The following ATF1 variants were observed in gnomAD, a reference collection of about 807,000 sequenced individuals.
ATF1 encodes cyclic AMP-dependent transcription factor ATF-1.
A neutral mutation model predicts 34.7 loss-of-function variants in ATF1; 16 were observed. The observed-to-expected ratio is 0.46, with a 90% CI of 0.31 to 0.70. The LOEUF is 0.70. Ranked by LOEUF, ATF1 falls within the 30% of genes least tolerant of loss-of-function variation. The pLI is 0.05. For synonymous variants in ATF1, 105 were observed against 113.1 expected, an observed-to-expected ratio of 0.93 and a Z score of 0.46; for missense variants, 255 against 321.6, an observed-to-expected ratio of 0.79 and a Z score of 1.58.
chr12:50,814,538 T>C (rs1485254933), intron 6 of ATF1, 99 bp downstream of exon 6: 1 of 1,282,052 alleles, frequency 7.8e-7, no homozygotes, highest in African/African-American at 1.5e-5. Flanking sequence ...ATGGGCTGCA[T>C]GACAATGTTT....
Position 50,821,139 on chromosome 12 carries a change from T to C in ATF1, c.*1360T>C, listed in dbSNP as rs746163787. 34 of 175,486 alleles carry C rather than the reference T, an allele frequency of 1.9e-4. No homozygotes were observed. The highest frequency in any genetic ancestry group is 3.8e-4 in the Non-Finnish European group (31 of 81,350). The allele number at this position is 175,486 out of a possible 1,614,324, so 10.9% of individuals were successfully genotyped here. On this transcript the variant is annotated 3_prime_UTR_variant, in exon 7 of 7. Transcript: ENST00000262053. The stretch of plus-strand genomic sequence containing the variant: ...TTGATAGTCTACTGAATGTAAAATA[T>C]AATGCTTGGTATATGAATGATAAGC...
chr12:50,802,261 C>T (rs1414257702), intron 3 of ATF1, among the ~76,000 whole-genome samples: 2 of 152,238 alleles, frequency 1.3e-5, no homozygotes, highest in African/African-American at 2.4e-5. Flanking sequence ...CACAGTGGCT[C>T]ATGCCTGTAA....
chr12:50,807,813 GTT>G (rs59464118), intron 3 of ATF1, among the ~76,000 whole-genome samples: 5 of 125,780 alleles, frequency 4.0e-5, no homozygotes, highest in Middle Eastern at 4.1e-3. Context: ...TTTTTTTTTT[GTT>G]TTTTTTTTTT....
chr12:50,811,908 A>C (rs1481721162), intron 4 of ATF1, among the ~76,000 whole-genome samples: 1 of 152,214 alleles, frequency 6.6e-6, no homozygotes, highest in Admixed American at 6.5e-5. Flanking sequence ...AGTGTAGTAC[A>C]AACTAGTATT....
At position 50,808,625 on chromosome 12, in the gene ATF1, A is replaced by C. The variant is rs182968881; in HGVS notation, c.195-831A>C. On this transcript the variant is annotated intron_variant, in intron 3 of 6. Coordinates refer to ENST00000262053, the MANE Select transcript of ATF1 (RefSeq NM_005171.5). ...GATTACAGATGGGAGCCACATGCCCAGCCCTCTTTACTCTTTAAACTAATA... is the reference window on the plus strand; with the variant it reads ...GATTACAGATGGGAGCCACATGCCCCGCCCTCTTTACTCTTTAAACTAATA... 2.4e-3 allele frequency among the ~76,000 whole-genome samples: 358 copies of C among 152,048 alleles called. 3 individuals carry two copies. Among genetic ancestry groups the C allele is most frequent in the African/African-American group, 8.1e-3 (337 of 41,498 alleles).
chr12:50,819,623 G>A lies in ATF1; in HGVS notation c.672-12G>A. ...TTTTTTCTAACATTGTTTTTTTAATGCTCATATTTAGAGAAGCTGCTCGAG... is the reference window on the plus strand; with the variant it reads ...TTTTTTCTAACATTGTTTTTTTAATACTCATATTTAGAGAAGCTGCTCGAG... On this transcript the variant is annotated splice_polypyrimidine_tract_variant and intron_variant, in intron 6 of 6. Coordinates refer to ENST00000262053, the MANE Select transcript of ATF1 (RefSeq NM_005171.5). 6.2e-7 allele frequency: 1 copy of A among 1,606,534 alleles called. No homozygotes were observed. Among genetic ancestry groups the A allele is most frequent in the Non-Finnish European group, 8.5e-7 (1 of 1,177,986 alleles).
chr12:50,784,309 G>A (rs1941137269), intron 2 of ATF1, among the ~76,000 whole-genome samples: 1 of 152,204 alleles, frequency 6.6e-6, no homozygotes, highest in African/African-American at 2.4e-5. Flanking sequence ...CTATCAGTTG[G>A]TAATATGTGC....
At chr12:50,818,604 GTTTC>G (rs751108372) in intron 6 of ATF1, among the ~76,000 whole-genome samples, 1 of 151,968 alleles carries the variant, frequency 6.6e-6, no homozygotes, top group Non-Finnish European at 1.5e-5. Context: ...AAATAGTACT[GTTTC>G]TTTCTTTCTT....
intron 1 of ATF1, among the ~76,000 whole-genome samples, chr12:50,770,192 G>C (rs1395803804): frequency 6.6e-6 from 1 of 152,188 alleles, no homozygotes; most frequent in Non-Finnish European, 1.5e-5. Flanking sequence ...GTAATTATTT[G>C]CATAAGTGCA....
In ATF1 at chr12:50,798,815, GA is replaced by G. The variant is rs533082524; in HGVS notation, c.194+2813del. On this transcript the variant is annotated intron_variant, in intron 3 of 6. Transcript: ENST00000262053. ...ATACAGTCAACTCAATAAATGCTGGGAAAAAAAGTATTTGATTAAATCCAGC... is the reference window on the plus strand; with the variant it reads ...ATACAGTCAACTCAATAAATGCTGGGAAAAAAGTATTTGATTAAATCCAGC... Among the ~76,000 whole-genome samples the G allele has an allele frequency of 6.6e-5, 10 of 152,126 alleles. No homozygotes were observed. The East Asian group carries it at 1.4e-3, about 21-fold the overall frequency.
intron 1 of ATF1, among the ~76,000 whole-genome samples, chr12:50,767,858 C>A (rs1031807160): frequency 6.6e-6 from 1 of 151,920 alleles, no homozygotes; most frequent in African/African-American, 2.4e-5. Flanking sequence ...AGCTCAGTAG[C>A]TAAGCTTTTG....
chr12:50,764,098 G>A (rs1940561494), upstream of ATF1: 1 of 142,856 alleles, frequency 7.0e-6, no homozygotes, highest in Non-Finnish European at 1.5e-5. Flanking sequence ...AGATCATGCC[G>A]CCAGTAGCGG....
chr12:50,797,899 T>C (rs1433542263), intron 3 of ATF1, among the ~76,000 whole-genome samples: 1 of 151,946 alleles, frequency 6.6e-6, no homozygotes, highest in Non-Finnish European at 1.5e-5. Context: ...TTAAGGAGGC[T>C]GGGTACAGTG....
intron 4 of ATF1, among the ~76,000 whole-genome samples, chr12:50,812,043 G>C (rs1032026469): frequency 3.9e-5 from 6 of 152,182 alleles, no homozygotes; most frequent in African/African-American, 1.4e-4. Context: ...TGGTGGGACT[G>C]AGAAACTGAA....
In ATF1 at chr12:50,820,840, T is replaced by TGTTGA; in HGVS notation, c.*1065_*1069dup. 5.6e-6 allele frequency: 1 copy of TGTTGA among 179,150 alleles called. No individual in the cohort carries two copies. The highest frequency in any genetic ancestry group is 1.2e-5 in the Non-Finnish European group (1 of 83,240). 11.1% of individuals were successfully genotyped at this position (179,150 alleles called of 1,614,324 possible). ...TATAGCTGATCTTTATAAATTCTAA[T>TGTTGA]GTTGAGTTTTTAATGATTATTTTAA... On this transcript the variant is annotated 3_prime_UTR_variant, in exon 7 of 7. Coordinates refer to ENST00000262053, the MANE Select transcript of ATF1 (RefSeq NM_005171.5).
intron 1 of ATF1, among the ~76,000 whole-genome samples, chr12:50,769,733 T>TA (rs1338232456): frequency 6.6e-6 from 1 of 152,246 alleles, no homozygotes; most frequent in Non-Finnish European, 1.5e-5. Context: ...CTGGCTTTAA[T>TA]AGTGGCTCTC....
intron 2 of ATF1, among the ~76,000 whole-genome samples, chr12:50,791,002 T>G: frequency 6.6e-6 from 1 of 152,092 alleles, no homozygotes; most frequent in Non-Finnish European, 1.5e-5. Context: ...TTTGGTAGAA[T>G]TGAACTTTCT....
chr12:50,776,354 A>G (rs1406085845), intron 1 of ATF1, among the ~76,000 whole-genome samples: 2 of 123,356 alleles, frequency 1.6e-5, no homozygotes, highest in Non-Finnish European at 3.8e-5. Flanking sequence ...TTAGCCAGAT[A>G]TGGTGATGCA....
intron 1 of ATF1, among the ~76,000 whole-genome samples, chr12:50,777,889 C>G (rs1362482047): frequency 1.3e-5 from 2 of 151,518 alleles, no homozygotes; most frequent in Middle Eastern, 3.2e-3. Flanking sequence ...TAGCTGCCCT[C>G]TCTCTCTCTA....
Sources: allele counts gnomAD v4.1 joint callset (sites outside exome capture counted in the v4.1 genomes callset), GRCh38; gene constraint gnomAD v4.1.1; transcripts MANE v1.5; gene names NCBI Gene and HGNC (gene_info 2026-07-23, HGNC 2026-07-21).